Variants in DYNC1I1 observed in about 807,000 individuals in gnomAD.
The protein encoded by DYNC1I1 is dynein cytoplasmic 1 intermediate chain 1, also known as cytoplasmic dynein 1 intermediate chain 1.
A neutral mutation model predicts 86.6 loss-of-function variants in DYNC1I1; 43 were observed. The ratio of observed to expected loss-of-function variants is 0.50; its 90% CI spans 0.39 to 0.64. The LOEUF (loss-of-function observed/expected upper bound fraction) is 0.64. Ranked by LOEUF, DYNC1I1 falls within the 30% of genes least tolerant of loss-of-function variation. The pLI is 0.00. For missense variants in DYNC1I1, 604 were observed against 788.8 expected (o/e 0.77, Z 2.81); for synonymous variants, 262 against 283.7 (o/e 0.92, Z 0.77).
intron 10 of DYNC1I1, among the ~76,000 whole-genome samples, chr7:96,020,240 G>A (rs1200518094): frequency 2.0e-5 from 3 of 152,022 alleles, no homozygotes; most frequent in Non-Finnish European, 2.9e-5. Context: ...AAACATACCC[G>A]AGACTGGGAA....
chr7:95,897,869 A>G (rs929295008), intron 6 of DYNC1I1, among the ~76,000 whole-genome samples: 3 of 152,156 alleles, frequency 2.0e-5, no homozygotes, highest in Non-Finnish European at 4.4e-5. Context: ...TCACACCAAA[A>G]TACTGGGCTC....
At chr7:95,909,015 A>C (rs532841841) in intron 6 of DYNC1I1, among the ~76,000 whole-genome samples, 1 of 151,718 alleles carries the variant, frequency 6.6e-6, no homozygotes, top group East Asian at 1.9e-4. Flanking sequence ...ACAGTGTCTG[A>C]AGAAAAAAGA....
chr7:96,068,220 G>A (rs939675428), intron 14 of DYNC1I1, among the ~76,000 whole-genome samples: 4 of 152,050 alleles, frequency 2.6e-5, no homozygotes, highest in Admixed American at 1.3e-4. Flanking sequence ...ATTTCCATTC[G>A]GCTTTAGTGA....
chr7:95,957,094 AC>A (rs1252315234), intron 6 of DYNC1I1, among the ~76,000 whole-genome samples: 1 of 152,172 alleles, frequency 6.6e-6, no homozygotes, highest in Non-Finnish European at 1.5e-5. Flanking sequence ...AGCTCTAAAA[AC>A]ATAATCTTGG....
chr7:95,811,071 TA>T (rs1271582462), intron 3 of DYNC1I1, among the ~76,000 whole-genome samples: 1 of 152,198 alleles, frequency 6.6e-6, no homozygotes, highest in African/African-American at 2.4e-5. Flanking sequence ...GCATTTTCAC[TA>T]CAATACTCCT....
At chr7:96,084,291 C>G (rs1456949407) in intron 16 of DYNC1I1, among the ~76,000 whole-genome samples, 6 of 141,892 alleles carry the variant, frequency 4.2e-5, no homozygotes, top group Admixed American at 3.7e-4. Context: ...TAGAGTGTTA[C>G]TCTTAATGCC....
intron 1 of DYNC1I1, among the ~76,000 whole-genome samples, chr7:95,778,957 C>T (rs1325389242): frequency 2.6e-5 from 4 of 152,138 alleles, no homozygotes; most frequent in Non-Finnish European, 5.9e-5. Context: ...AGCCATTGCA[C>T]CTGACCCCAG....
At chr7:96,017,370 C>T (rs1290102901) in intron 10 of DYNC1I1, among the ~76,000 whole-genome samples, 8 of 152,086 alleles carry the variant, frequency 5.3e-5, no homozygotes, top group Admixed American at 5.2e-4. Flanking sequence ...CCAGTCTAGG[C>T]CTAGCAACTT....
At chr7:96,064,004 G>T (rs1009079360) in intron 14 of DYNC1I1, among the ~76,000 whole-genome samples, 4 of 152,184 alleles carry the variant, frequency 2.6e-5, no homozygotes, top group Non-Finnish European at 5.9e-5. Context: ...AATGTGGTTA[G>T]CGGGAGAGGT....
intron 6 of DYNC1I1, among the ~76,000 whole-genome samples, chr7:95,908,911 C>T (rs1791246885): frequency 6.6e-6 from 1 of 151,852 alleles, no homozygotes; most frequent in Non-Finnish European, 1.5e-5. Flanking sequence ...TAAGACAAAA[C>T]ATAAACTGCA....
chr7:95,775,441 T>A (rs771131980), intron 1 of DYNC1I1, among the ~76,000 whole-genome samples: 1 of 152,198 alleles, frequency 6.6e-6, no homozygotes. Flanking sequence ...TCAAATGAGA[T>A]CTCTCCAAAG....
chr7:95,935,201 A>G (rs1292998683), intron 6 of DYNC1I1, among the ~76,000 whole-genome samples: 1 of 151,844 alleles, frequency 6.6e-6, no homozygotes, highest in Non-Finnish European at 1.5e-5. Context: ...TATTTTAGAG[A>G]CCTCAGGTAA....
At chr7:96,072,817 C>A (rs1380641693) in intron 14 of DYNC1I1, among the ~76,000 whole-genome samples, 2 of 152,254 alleles carry the variant, frequency 1.3e-5, no homozygotes, top group East Asian at 3.9e-4. Context: ...TTATGATATA[C>A]ATGAGTTTAC....
intron 1 of DYNC1I1, among the ~76,000 whole-genome samples, chr7:95,800,083 T>C (rs1024477096): frequency 6.8e-6 from 1 of 146,920 alleles, no homozygotes; most frequent in Non-Finnish European, 1.5e-5. Context: ...AGATCAGAGA[T>C]GTGCTGAAGC....
chr7:95,948,996 C>T (rs77774563), intron 6 of DYNC1I1, among the ~76,000 whole-genome samples: 4,921 of 152,226 alleles, frequency 0.032, 210 homozygotes, highest in African/African-American at 0.097. Flanking sequence ...CATAAAGTTT[C>T]CCAGGCCAAG....
intron 1 of DYNC1I1, chr7:95,804,324 G>A (rs972156096): frequency 7.9e-7 from 1 of 1,262,214 alleles, no homozygotes; most frequent in Non-Finnish European, 1.0e-6. Context: ...TCTTTTCTCA[G>A]TGTGGGGATG....
At chr7:96,028,101 G>A (rs754077557) in intron 10 of DYNC1I1, 74 bp from the exon 11 acceptor site, 38 of 1,560,798 alleles carry the variant, frequency 2.4e-5, no homozygotes, top group Non-Finnish European at 3.2e-5. Flanking sequence ...GTGATGAACT[G>A]TTTTCAGGAA....
chr7:95,806,109 T>G (rs562088363), intron 2 of DYNC1I1, among the ~76,000 whole-genome samples: 2 of 152,304 alleles, frequency 1.3e-5, no homozygotes, highest in South Asian at 4.1e-4. Context: ...AGGTGAGAAT[T>G]GACAAGGAAT....
At chr7:95,866,522 C>T (rs1030026335) in intron 5 of DYNC1I1, among the ~76,000 whole-genome samples, 2 of 152,164 alleles carry the variant, frequency 1.3e-5, no homozygotes, top group African/African-American at 4.8e-5. Flanking sequence ...AATTTCTTAA[C>T]ATCACTTGAA....
Sources: gnomAD v4.1 joint callset for allele counts (sites outside exome capture counted in the v4.1 genomes callset) on GRCh38, gnomAD v4.1.1 for gene constraint, MANE v1.5 for transcripts, NCBI Gene and HGNC (gene_info 2026-07-23, HGNC 2026-07-21) for gene names.